Variants in P2RY8 observed in about 807,000 individuals in gnomAD.
P2RY8 encodes S-geranylgeranyl-glutathione receptor P2RY8.
In P2RY8, 6 loss-of-function variants were observed where a neutral mutation model predicts 10.0. That is an observed-to-expected ratio of 0.60 (90% CI 0.33 to 1.19). The LOEUF (loss-of-function observed/expected upper bound fraction) is 1.19. Among genes scored for constraint, P2RY8 ranks in the 50% most tolerant of loss-of-function variants. The pLI is 0.04. For missense variants in P2RY8, 456 were observed against 542.0 expected, an observed-to-expected ratio of 0.84 and a Z score of 1.58; for synonymous variants, 276 against 252.5, an observed-to-expected ratio of 1.09 and a Z score of -0.88.
chrX:1,531,015 T>A (rs1470140057), intron 1 of P2RY8, among the ~76,000 whole-genome samples: 6 of 152,050 alleles, frequency 3.9e-5, no homozygotes, highest in Non-Finnish European at 7.4e-5. Context: ...TATGTATATA[T>A]CTATCTATTC....
At chrX:1,489,122 G>A (rs2092016083) in intron 1 of P2RY8, among the ~76,000 whole-genome samples, 2 of 152,048 alleles carry the variant, frequency 1.3e-5, no homozygotes, top group Non-Finnish European at 2.9e-5. Flanking sequence ...CAAATGTAGA[G>A]AAAAGTAATG....
At chrX:1,486,465 C>G (rs747476243) in intron 1 of P2RY8, among the ~76,000 whole-genome samples, 1 of 152,292 alleles carries the variant, frequency 6.6e-6, no homozygotes, top group African/African-American at 2.4e-5. Context: ...AAGCCAGACA[C>G]AGAAGGCCAC....
At chrX:1,512,983 A>C (rs2092310185) in intron 1 of P2RY8, among the ~76,000 whole-genome samples, 2 of 151,950 alleles carry the variant, frequency 1.3e-5, no homozygotes, top group Non-Finnish European at 2.9e-5. Context: ...TAAGCCCCAC[A>C]TGCATTGGGT....
At chrX:1,504,524 G>A (rs6645262) in intron 1 of P2RY8, among the ~76,000 whole-genome samples, 32,874 of 151,902 alleles carry the variant, frequency 0.22, 4,476 homozygotes, top group African/African-American at 0.38. Context: ...CCCACGTGCT[G>A]GAAACTTCCC....
At chrX:1,491,395 C>T (rs1334646106) in intron 1 of P2RY8, among the ~76,000 whole-genome samples, 3 of 152,218 alleles carry the variant, frequency 2.0e-5, no homozygotes, top group Admixed American at 6.5e-5. Flanking sequence ...TTCATTCCTG[C>T]AAATGTGGAG....
At chrX:1,534,808 G>C (rs1282709949) in intron 1 of P2RY8, among the ~76,000 whole-genome samples, 3 of 152,092 alleles carry the variant, frequency 2.0e-5, no homozygotes, top group African/African-American at 7.2e-5. Flanking sequence ...CTAAGCCATC[G>C]CTTCTTCCCT....
chrX:1,499,987 T>C (rs2092159349), intron 1 of P2RY8, among the ~76,000 whole-genome samples: 1 of 129,916 alleles, frequency 7.7e-6, no homozygotes, highest in East Asian at 2.5e-4. Context: ...GCCTCCCGAG[T>C]AGCTGGGACT....
chrX:1,479,227 C>T (rs1287032924), intron 1 of P2RY8, among the ~76,000 whole-genome samples: 2 of 152,230 alleles, frequency 1.3e-5, no homozygotes, highest in Admixed American at 1.3e-4. Context: ...CTGGAGCCTC[C>T]TTTCATACAC....
Position 1,514,865 on chromosome X carries a change from C to T in P2RY8, c.-25+22056G>A, listed in dbSNP as rs867261216. 2.5e-3 allele frequency among the ~76,000 whole-genome samples: 18 copies of T among 7,162 alleles called. 2 individuals carry two copies. The East Asian group carries it at 0.049, about 20-fold the overall frequency. The allele number at this position is 7,162 out of a possible 152,430, so 4.7% of individuals were successfully genotyped here. A position where few individuals can be genotyped will look rare whatever the true frequency, so the allele number is the denominator to read the frequency against. On this transcript the variant is annotated intron_variant, in intron 1 of 1. Coordinates refer to ENST00000381297, the MANE Select transcript of P2RY8 (RefSeq NM_178129.5). ...TTTCCCTTTCCCTCCCCCTCCCCCT[C>T]CCCTTCCCCTGTCTTCCTCTCCCCT...
intron 1 of P2RY8, among the ~76,000 whole-genome samples, chrX:1,468,175 C>A (rs1397464608): frequency 1.3e-5 from 2 of 152,184 alleles, no homozygotes; most frequent in African/African-American, 4.8e-5. Flanking sequence ...TGGCCTCAAG[C>A]AATCCTCCTG....
intron 1 of P2RY8, among the ~76,000 whole-genome samples, chrX:1,483,643 GA>G (rs1438124275): frequency 6.6e-6 from 1 of 151,324 alleles, no homozygotes; most frequent in African/African-American, 2.4e-5. Context: ...TAAAGAGAGA[GA>G]AAAAAAAGAA....
chrX:1,524,572 TCC>T (rs1270517266), intron 1 of P2RY8, among the ~76,000 whole-genome samples: 4 of 142,614 alleles, frequency 2.8e-5, no homozygotes, highest in African/African-American at 1.0e-4. Context: ...CATCCATCCA[TCC>T]ATCCATCCAT....
intron 1 of P2RY8, among the ~76,000 whole-genome samples, 165 bp downstream of exon 1, chrX:1,536,756 C>T (rs1447877214): frequency 1.3e-5 from 2 of 152,138 alleles, no homozygotes; most frequent in Non-Finnish European, 2.9e-5. Flanking sequence ...AAGTCTTCCT[C>T]CCAGGAAATT....
intron 1 of P2RY8, among the ~76,000 whole-genome samples, chrX:1,470,402 C>A (rs1397253545): frequency 6.6e-6 from 1 of 152,076 alleles, no homozygotes. Flanking sequence ...GTAATCCCAG[C>A]TACTCCAGAG....
chrX:1,524,277 C>A (rs1404638334), intron 1 of P2RY8, among the ~76,000 whole-genome samples: 2 of 152,034 alleles, frequency 1.3e-5, no homozygotes, highest in Admixed American at 1.3e-4. Flanking sequence ...CTCTCTTCTG[C>A]GGATCCACTC....
rs112803166 is a variant in P2RY8, at chrX:1,466,418, C to G, written c.141G>C (p.Val47=). ...ATCTGGGCCCCATGCGCCGGCACAG[C>G]ACCCACAGAGAGAAGAGGTTGCCCG... The part of the protein sequence containing the change: ...SIPGNLFSLW[V]LCRRMGPRSP... The change falls in exon 2 of 2, where the codon GTG becomes GTC. Residue 47 remains valine (V), a synonymous_variant. Transcript: ENST00000381297. The G allele has an allele frequency of 0.02, 32,790 of 1,613,200 alleles. 2,679 individuals are homozygous for G. In the African/African-American group the frequency reaches 0.26, roughly 13 times the overall value.
intron 1 of P2RY8, among the ~76,000 whole-genome samples, chrX:1,485,574 G>T (rs2091979200): frequency 6.7e-6 from 1 of 148,632 alleles, no homozygotes; most frequent in African/African-American, 2.5e-5. Context: ...AATTTAATAT[G>T]TAAATAATAT....
intron 1 of P2RY8, among the ~76,000 whole-genome samples, chrX:1,481,998 GGAGATTTTGAT>G: frequency 1.3e-5 from 2 of 152,176 alleles, no homozygotes; most frequent in Non-Finnish European, 1.5e-5. Context: ...GACGCCCCGT[GGAGATTTTGAT>G]CTGCGTCTTC....
At chrX:1,509,842 TTATC>T (rs1394380281) in intron 1 of P2RY8, among the ~76,000 whole-genome samples, 5 of 149,776 alleles carry the variant, frequency 3.3e-5, no homozygotes, top group African/African-American at 7.4e-5. Flanking sequence ...TCTATCTCTA[TTATC>T]TATCTATCAT....
Sources: gnomAD v4.1 joint callset for allele counts (sites outside exome capture counted in the v4.1 genomes callset) on GRCh38, gnomAD v4.1.1 for gene constraint, MANE v1.5 for transcripts, NCBI Gene and HGNC (gene_info 2026-07-23, HGNC 2026-07-21) for gene names.